Variants in ADGRV1 observed in about 807,000 individuals in gnomAD.
ADGRV1 encodes the protein adhesion G protein-coupled receptor V1, also known as G-protein coupled receptor 98.
ADGRV1 carries 359 observed loss-of-function variants against 596.2 expected under a neutral mutation model. The ratio of observed to expected loss-of-function variants is 0.60; its 90% CI spans 0.55 to 0.66. The LOEUF (loss-of-function observed/expected upper bound fraction) is 0.66. Among genes scored for constraint, ADGRV1 ranks in the 30% least tolerant of loss-of-function variants. ADGRV1 has a pLI of 0.00. For synonymous variants in ADGRV1, 2,681 were observed against 2,679.2 expected (o/e 1.00, Z -0.02); for missense variants, 7,274 against 7,575.6 (o/e 0.96, Z 1.48).
rs538505886 is a variant in ADGRV1 at position 91,134,345 on chromosome 5, G to A, written c.18433-15685G>A. ...TGGGATTATAGGCATGCACCACTAC[G>A]CCTGGCTAACTTTTTGTATGTTTTG... On this transcript the variant is annotated intron_variant, in intron 87 of 89. Transcript: ENST00000405460. Among the ~76,000 whole-genome samples the A allele has an allele frequency of 4.6e-5, 7 of 152,084 alleles. No individual in the cohort carries two copies. The East Asian group carries it at 5.8e-4, about 13-fold the overall frequency.
chr5:91,091,069 G>C (rs933234175), intron 86 of ADGRV1, among the ~76,000 whole-genome samples: 1 of 152,132 alleles, frequency 6.6e-6, no homozygotes, highest in Admixed American at 6.5e-5. Flanking sequence ...CTTCTCAATG[G>C]CCCTGGAATT....
At chr5:90,980,619 G>A (rs534618188) in intron 84 of ADGRV1, among the ~76,000 whole-genome samples, 1 of 152,266 alleles carries the variant, frequency 6.6e-6, no homozygotes, top group East Asian at 1.9e-4. Flanking sequence ...GAATATTTTA[G>A]TACAGTCTTT....
At chr5:90,681,077 C>G (rs1202998641) in intron 26 of ADGRV1, among the ~76,000 whole-genome samples, 1 of 152,186 alleles carries the variant, frequency 6.6e-6, no homozygotes, top group Admixed American at 6.5e-5. Flanking sequence ...TTTCCTTATT[C>G]ATCTCCAAGT....
intron 83 of ADGRV1, among the ~76,000 whole-genome samples, chr5:90,875,703 G>A (rs1413007654): frequency 1.3e-5 from 2 of 152,214 alleles, no homozygotes; most frequent in Non-Finnish European, 2.9e-5. Flanking sequence ...CACAGAGTGT[G>A]CAAAGAGAAT....
At chr5:91,109,238 T>C (rs932904274) in intron 87 of ADGRV1, among the ~76,000 whole-genome samples, 1 of 152,238 alleles carries the variant, frequency 6.6e-6, no homozygotes, top group African/African-American at 2.4e-5. Context: ...ATTTACATTT[T>C]CTTGATAGTT....
chr5:91,021,455 G>A (rs1783626580), intron 85 of ADGRV1, among the ~76,000 whole-genome samples: 1 of 152,080 alleles, frequency 6.6e-6, no homozygotes, highest in African/African-American at 2.4e-5. Context: ...GGTTTAATGA[G>A]CTCAGTTTTA....
intron 87 of ADGRV1, among the ~76,000 whole-genome samples, chr5:91,132,988 A>G (rs1328346841): frequency 6.6e-6 from 1 of 152,160 alleles, no homozygotes; most frequent in Admixed American, 6.5e-5. Context: ...TTAAAGTGTT[A>G]TAGGTAGTGA....
intron 83 of ADGRV1, among the ~76,000 whole-genome samples, chr5:90,964,680 G>C (rs1038165399): frequency 1.3e-5 from 2 of 150,584 alleles, no homozygotes; most frequent in Admixed American, 1.3e-4. Context: ...AACAGTCAAC[G>C]ATCCTGTCTT....
chr5:90,622,134 C>T (rs930915184), intron 4 of ADGRV1, among the ~76,000 whole-genome samples: 1 of 152,170 alleles, frequency 6.6e-6, no homozygotes, highest in Non-Finnish European at 1.5e-5. Context: ...AGATCCTGTC[C>T]TGAAAGTTAT....
At position 90,683,830 on chromosome 5, in the gene ADGRV1, T is replaced by C; in HGVS notation, c.5909T>C (p.Leu1970Ser). Residue 1970 changes from leucine to serine, a missense_variant, in exon 28 of 90, where the codon TTG (leucine) becomes TCG (serine). Around this residue, in one of 5 missense-constraint regions of ADGRV1, gnomAD observed 3,643 missense variants for 3,809.2 expected, o/e 0.96. Coordinates refer to ENST00000405460, the MANE Select transcript of ADGRV1 (RefSeq NM_032119.4). Reference sequence around the variant, plus strand: ...CATATTAATGCCACGTTAACAGTTTTGGCTAGTGATGATCCATATGGGATA... The same window carrying C: ...CATATTAATGCCACGTTAACAGTTTCGGCTAGTGATGATCCATATGGGATA... ...GAHINATLTVLASDDPYGIFI... is the reference protein window; with the variant it reads ...GAHINATLTVSASDDPYGIFI... The C allele has an allele frequency of 6.2e-7, 1 of 1,613,856 alleles. No individual in the cohort carries two copies. Among genetic ancestry groups the C allele is most frequent in the Non-Finnish European group, 8.5e-7 (1 of 1,179,844 alleles).
Position 90,755,050 on chromosome 5 carries a change from C to T in ADGRV1, c.11445C>T (p.His3815=). The T allele has an allele frequency of 1.9e-6, 3 of 1,612,946 alleles. No homozygotes were observed. The highest frequency in any genetic ancestry group is 2.5e-6 in the Non-Finnish European group (3 of 1,179,026). Residue 3815 remains histidine (H), a synonymous_variant, in exon 55 of 90, where the codon CAC becomes CAT. Transcript: ENST00000405460. Reference sequence around the variant, plus strand: ...GACTACTTGGGGATATTGCCATTCACTTGAGAGCTCAACCCAATTTCTTAC... The same window carrying T: ...GACTACTTGGGGATATTGCCATTCATTTGAGAGCTCAACCCAATTTCTTAC... ...DKGLLGDIAI[H]LRAQPNFLLH...
chr5:90,777,670 T>A (rs1758392115), intron 61 of ADGRV1, among the ~76,000 whole-genome samples: 1 of 152,206 alleles, frequency 6.6e-6, no homozygotes, highest in African/African-American at 2.4e-5. Flanking sequence ...CTTTTAGTAA[T>A]CAGTTTTTGC....
In ADGRV1 at chr5:90,788,135, C is replaced by T. The variant is rs749839670; in HGVS notation, c.13718C>T (p.Ala4573Val). The stretch of plus-strand genomic sequence containing the variant: ...TTACTGCCACAGAATAGAGACATTG[C>T]AGACCCAGTGAGCGGGTTGTTCTAT... ...EALLPQNRDI[A>V]DPVSGLFYFG... Residue 4573 changes from alanine to valine, a missense_variant, in exon 68 of 90, where the codon GCA becomes GTA. This residue lies in a region of ADGRV1 where 3,643 missense variants were observed against 3,809.2 expected (regional missense o/e 0.96). Coordinates refer to ENST00000405460, the MANE Select transcript of ADGRV1 (RefSeq NM_032119.4). 29 of 1,613,392 alleles carry T rather than the reference C, an allele frequency of 1.8e-5. No individual in the cohort carries two copies. Among genetic ancestry groups the T allele is most frequent in the South Asian group, 1.5e-4 (14 of 91,052 alleles).
chr5:90,890,813 G>A (rs1307832767), intron 83 of ADGRV1, among the ~76,000 whole-genome samples: 1 of 152,042 alleles, frequency 6.6e-6, no homozygotes, highest in African/African-American at 2.4e-5. Context: ...GTAAATTACT[G>A]TTTATCCTCA....
chr5:90,894,035 A>G (rs1295286118), intron 83 of ADGRV1, among the ~76,000 whole-genome samples: 1 of 152,204 alleles, frequency 6.6e-6, no homozygotes, highest in African/African-American at 2.4e-5. Context: ...TTGTGGCTAA[A>G]CCCTAATAAA....
At chr5:91,099,259 T>TTC (rs1403931670) in intron 86 of ADGRV1, among the ~76,000 whole-genome samples, 1 of 151,942 alleles carries the variant, frequency 6.6e-6, no homozygotes, top group East Asian at 1.9e-4. Context: ...AAAGCCTTAT[T>TTC]TCTCTCTCAA....
intron 84 of ADGRV1, among the ~76,000 whole-genome samples, chr5:90,972,242 C>T (rs1779106535): frequency 6.6e-6 from 1 of 152,212 alleles, no homozygotes; most frequent in Admixed American, 6.5e-5. Context: ...GACTGCCACA[C>T]AATAATAATG....
chr5:90,722,777 A>G (rs1159266595), intron 45 of ADGRV1, among the ~76,000 whole-genome samples: 1 of 146,878 alleles, frequency 6.8e-6, no homozygotes, highest in African/African-American at 2.5e-5. Context: ...GGAGAGATAA[A>G]CCTTGGAACT....
intron 45 of ADGRV1, among the ~76,000 whole-genome samples, chr5:90,724,161 T>G (rs1751452690): frequency 6.6e-6 from 1 of 152,182 alleles, no homozygotes; most frequent in South Asian, 2.1e-4. Flanking sequence ...CAGTTATATT[T>G]TCATCAGCTT....
Sources: allele counts gnomAD v4.1 joint callset (sites outside exome capture counted in the v4.1 genomes callset), GRCh38; gene constraint gnomAD v4.1.1; regional missense constraint gnomAD v4.1.1; transcripts MANE v1.5; gene names NCBI Gene and HGNC (gene_info 2026-07-23, HGNC 2026-07-21).